RASSF9: variants seen among roughly 807,000 people sequenced by gnomAD.
The protein encoded by RASSF9 is Ras association domain family member 9.
RASSF9 carries 18 observed loss-of-function variants against 21.4 expected under a neutral mutation model. The observed-to-expected ratio is 0.84, with a 90% CI of 0.58 to 1.25. RASSF9 has a LOEUF of 1.25. Among genes scored for constraint, RASSF9 ranks in the 50% most tolerant of loss-of-function variants. RASSF9 has a pLI of 0.00. For missense variants in RASSF9, 480 were observed against 503.2 expected (o/e 0.95, Z 0.44); for synonymous variants, 183 against 179.1 (o/e 1.02, Z -0.18).
rs985878867 is a variant in RASSF9, at chr12:85,829,240, C to T, written c.47+6915G>A. 3.0e-4 allele frequency among the ~76,000 whole-genome samples: 45 copies of T among 152,060 alleles called. 1 individual carries two copies. The highest frequency in any genetic ancestry group is 4.1e-4 in the South Asian group (2 of 4,828). ...TCACACAAAGCTTCTAGCAGTCATA[C>T]GCCATAATTAATGAGCCTGAAAATT... On this transcript the variant is annotated intron_variant, in intron 1 of 1. Transcript: ENST00000361228.
chr12:85,804,744 G>A lies in RASSF9; in HGVS notation c.1266C>T (p.Asp422=), dbSNP rs1879778273. The change falls in exon 2 of 2, where the codon GAC becomes GAT. Residue 422 remains aspartate, a synonymous_variant. Coordinates refer to ENST00000361228, the MANE Select transcript of RASSF9 (RefSeq NM_005447.4). ...CCACATCTCCTACTGTTGTTTCGGA[G>A]TCCTGACTGTGGTTAGAACTGATAC... is the stretch of plus-strand genomic sequence containing the variant. ...DTGISSNHSQ[D]SETTVGDVVL... 5 of 1,611,748 alleles carry A rather than the reference G, an allele frequency of 3.1e-6. No individual in the cohort carries two copies. The highest frequency in any genetic ancestry group is 4.2e-6 in the Non-Finnish European group (5 of 1,178,066).
In RASSF9 at chr12:85,801,654, A is replaced by T. The variant is rs565523872; in HGVS notation, c.*3048T>A. ...GGTGAAACCCCGTCTCTACTAAAAA[A>T]ATACAAAAAAATTAGCCTGGCGTGG... On this transcript the variant is annotated 3_prime_UTR_variant, in exon 2 of 2. Transcript: ENST00000361228. 3 of 152,348 alleles carry T rather than the reference A, an allele frequency of 2.0e-5. No individual in the cohort carries two copies. The allele number at this position is 152,348 out of a possible 1,614,324, so 9.4% of individuals were successfully genotyped here.
intron 1 of RASSF9, among the ~76,000 whole-genome samples, chr12:85,820,050 G>A (rs1880172950): frequency 6.6e-6 from 1 of 152,122 alleles, no homozygotes; most frequent in Admixed American, 6.6e-5. Flanking sequence ...CACAGTGTTG[G>A]CAAACTATAG....
intron 1 of RASSF9, among the ~76,000 whole-genome samples, chr12:85,831,394 T>C (rs1296964516): frequency 6.6e-6 from 1 of 152,038 alleles, no homozygotes; most frequent in Non-Finnish European, 1.5e-5. Context: ...GCACTGACAC[T>C]GTAGATAATA....
intron 1 of RASSF9, among the ~76,000 whole-genome samples, chr12:85,827,356 A>G (rs371310549): frequency 8.5e-5 from 13 of 152,058 alleles, no homozygotes; most frequent in African/African-American, 3.1e-4. Context: ...CTCTACTATC[A>G]TTACACTAGT....
intron 1 of RASSF9, among the ~76,000 whole-genome samples, chr12:85,832,590 G>C (rs1320723180): frequency 6.6e-6 from 1 of 151,872 alleles, no homozygotes; most frequent in Non-Finnish European, 1.5e-5. Flanking sequence ...ATGTCCACAT[G>C]AATCTCAAAT....
chr12:85,835,670 T>C (rs1336478777), intron 1 of RASSF9, among the ~76,000 whole-genome samples: 1 of 152,194 alleles, frequency 6.6e-6, no homozygotes, highest in Non-Finnish European at 1.5e-5. Flanking sequence ...AGCCAAAGCA[T>C]TGTTTCTGAA....
Position 85,804,636 on chromosome 12 carries a change from TGA to T in RASSF9, c.*64_*65del. On this transcript the variant is annotated 3_prime_UTR_variant, in exon 2 of 2. Coordinates refer to ENST00000361228, the MANE Select transcript of RASSF9 (RefSeq NM_005447.4). Reference sequence around the variant, plus strand: ...ATTTTTTTGAGTGTTATATTTAAAATGAGGTTTCCTATTAAATTAAACAAACA... The same window carrying T: ...ATTTTTTTGAGTGTTATATTTAAAATGGTTTCCTATTAAATTAAACAAACA... 1 of 1,395,312 alleles carries T rather than the reference TGA, an allele frequency of 7.2e-7. No homozygotes were observed. The highest frequency in any genetic ancestry group is 9.7e-7 in the Non-Finnish European group (1 of 1,035,700). 86.4% of individuals were successfully genotyped at this position (1,395,312 alleles called of 1,614,324 possible).
At chr12:85,820,549 C>T (rs970180286) in intron 1 of RASSF9, among the ~76,000 whole-genome samples, 2 of 152,200 alleles carry the variant, frequency 1.3e-5, no homozygotes, top group East Asian at 3.9e-4. Context: ...CTATAATGCA[C>T]AAATTCAACT....
At chr12:85,811,938 G>A (rs1025391257) in intron 1 of RASSF9, among the ~76,000 whole-genome samples, 3 of 151,734 alleles carry the variant, frequency 2.0e-5, no homozygotes, top group Non-Finnish European at 4.4e-5. Flanking sequence ...TTAAGAAGTT[G>A]TACAATGAAA....
intron 1 of RASSF9, among the ~76,000 whole-genome samples, chr12:85,819,935 G>T (rs2136557965): frequency 6.6e-6 from 1 of 152,172 alleles, no homozygotes; most frequent in South Asian, 2.1e-4. Flanking sequence ...AAGGATAACT[G>T]GTTCAGTTAT....
chr12:85,826,445 A>ATT (rs1491522992), intron 1 of RASSF9, among the ~76,000 whole-genome samples: 1 of 133,466 alleles, frequency 7.5e-6, no homozygotes, highest in African/African-American at 2.9e-5. Flanking sequence ...ATTCCTTCCA[A>ATT]TATTTTTTTT....
intron 1 of RASSF9, among the ~76,000 whole-genome samples, chr12:85,827,738 C>T (rs1316517414): frequency 6.6e-6 from 1 of 152,178 alleles, no homozygotes; most frequent in East Asian, 1.9e-4. Flanking sequence ...CTACCACAAG[C>T]CTGACATGCC....
Position 85,802,105 on chromosome 12 carries a change from A to G in RASSF9, c.*2597T>C, listed in dbSNP as rs1043583006. 1 of 152,218 alleles carries G rather than the reference A, an allele frequency of 6.6e-6. No homozygotes were observed. Among genetic ancestry groups the G allele is most frequent in the African/African-American group, 2.4e-5 (1 of 41,466 alleles). The allele number at this position is 152,218 out of a possible 1,614,324, so 9.4% of individuals were successfully genotyped here. A position where few individuals can be genotyped will look rare whatever the true frequency, so the allele number is the denominator to read the frequency against. On this transcript the variant is annotated 3_prime_UTR_variant, in exon 2 of 2. Coordinates refer to ENST00000361228, the MANE Select transcript of RASSF9 (RefSeq NM_005447.4). ...GAATCTAGGTCCTGTTACAGAAATT[A>G]AGAATAGTCAGCTTTGGTTTGTTTC... is the stretch of plus-strand genomic sequence containing the variant.
rs548806253 is a variant in RASSF9, at chr12:85,820,318, A to C, written c.48-14356T>G. Reference sequence around the variant, plus strand: ...GACAGAGAGTGATCTTATGGTTCACAAACCTTAAAATATTTACTGTTAGTC... The same window carrying C: ...GACAGAGAGTGATCTTATGGTTCACCAACCTTAAAATATTTACTGTTAGTC... On this transcript the variant is annotated intron_variant, in intron 1 of 1. Transcript: ENST00000361228. Among the ~76,000 whole-genome samples the C allele has an allele frequency of 3.3e-5, 5 of 152,330 alleles. No individual in the cohort carries two copies. The South Asian group carries it at 1.0e-3, about 32-fold the overall frequency.
At chr12:85,830,834 T>C (rs1239541196) in intron 1 of RASSF9, among the ~76,000 whole-genome samples, 2 of 152,086 alleles carry the variant, frequency 1.3e-5, no homozygotes, top group African/African-American at 4.8e-5. Flanking sequence ...AAACTTTCTC[T>C]AGAAGGTGTA....
intron 1 of RASSF9, among the ~76,000 whole-genome samples, chr12:85,822,120 T>G (rs2136559310): frequency 6.6e-6 from 1 of 152,368 alleles, no homozygotes; most frequent in African/African-American, 2.4e-5. Flanking sequence ...TTTAGTTTAC[T>G]GATAACTATC....
Position 85,805,353 on chromosome 12 carries a change from A to G in RASSF9, c.657T>C (p.His219=). ...LEIEKCEAKF[H]LDRVENDGEN... ...CTCCATCATTTTCTACTCGATCAAG[A>G]TGGAACTTAGCTTCACACTTTTCAA... Residue 219 remains histidine (H), a synonymous_variant, in exon 2 of 2, where the codon CAT becomes CAC. Transcript: ENST00000361228. The G allele has an allele frequency of 1.2e-6, 2 of 1,613,522 alleles. No homozygotes were observed. The highest frequency in any genetic ancestry group is 2.2e-5 in the East Asian group (1 of 44,870).
chr12:85,828,876 A>G (rs919182934), intron 1 of RASSF9, among the ~76,000 whole-genome samples: 2 of 152,176 alleles, frequency 1.3e-5, no homozygotes, highest in Non-Finnish European at 2.9e-5. Context: ...CCATATGAGA[A>G]GGTAGTTATT....
Sources: gnomAD v4.1 joint callset for allele counts (sites outside exome capture counted in the v4.1 genomes callset) on GRCh38, gnomAD v4.1.1 for gene constraint, MANE v1.5 for transcripts, NCBI Gene and HGNC (gene_info 2026-07-23, HGNC 2026-07-21) for gene names.